The following CTNNB1 variants were observed in gnomAD, a reference collection of about 807,000 sequenced individuals.
CTNNB1 encodes the protein catenin beta 1.
CTNNB1 carries 6 observed loss-of-function variants against 82.5 expected under a neutral mutation model. The observed-to-expected ratio is 0.07, with a 90% CI of 0.04 to 0.14. CTNNB1 has a LOEUF of 0.14. CTNNB1 is among the 10% of genes least tolerant of loss of function. The pLI, the probability that CTNNB1 is intolerant of heterozygous loss-of-function variation, is 1.00. For missense variants in CTNNB1, 529 were observed against 980.4 expected, an observed-to-expected ratio of 0.54 and a Z score of 6.15; for synonymous variants, 312 against 329.7, an observed-to-expected ratio of 0.95 and a Z score of 0.58.
intron 1 of CTNNB1, among the ~76,000 whole-genome samples, chr3:41,207,718 A>G (rs1054296728): frequency 2.0e-5 from 3 of 152,152 alleles, no homozygotes; most frequent in African/African-American, 7.2e-5. Context: ...AAATCCATTC[A>G]TTGTAACTTC....
chr3:41,222,981 A>G (rs972971207), intron 1 of CTNNB1, among the ~76,000 whole-genome samples: 3 of 152,180 alleles, frequency 2.0e-5, no homozygotes, highest in African/African-American at 7.2e-5. Flanking sequence ...TGAGATAGGA[A>G]AATCACTTGA....
intron 1 of CTNNB1, 22 bp from the exon 2 acceptor site, chr3:41,223,999 A>C (rs528470084): frequency 6.7e-7 from 1 of 1,501,716 alleles, no homozygotes; most frequent in East Asian, 2.3e-5. Context: ...AATCCTAATG[A>C]CTTTTGATTA....
At chr3:41,236,043 G>A in intron 11 of CTNNB1, 200 bp downstream of exon 11, 1 of 738,422 alleles carries the variant, frequency 1.4e-6, no homozygotes, top group Non-Finnish European at 2.2e-6. Context: ...ACTTTTATGG[G>A]TGCCTAGAGG....
At chr3:41,202,615 C>T (rs1216393745) in intron 1 of CTNNB1, among the ~76,000 whole-genome samples, 1 of 152,152 alleles carries the variant, frequency 6.6e-6, no homozygotes, top group African/African-American at 2.4e-5. Flanking sequence ...CTTGTACTCT[C>T]ATTGAGAAGA....
intron 1 of CTNNB1, among the ~76,000 whole-genome samples, chr3:41,212,320 C>A (rs1016187902): frequency 1.3e-5 from 2 of 152,150 alleles, no homozygotes; most frequent in Non-Finnish European, 2.9e-5. Flanking sequence ...TCTGGAATCA[C>A]CCAACCTTTT....
intron 1 of CTNNB1, among the ~76,000 whole-genome samples, chr3:41,207,958 A>G (rs2077688458): frequency 6.6e-6 from 1 of 152,098 alleles, no homozygotes; most frequent in South Asian, 2.1e-4. Flanking sequence ...TTATTTTCCA[A>G]AACTTCAAGC....
At chr3:41,210,920 GCTGGGACTACA>G in intron 1 of CTNNB1, 1 of 413,472 alleles carries the variant, frequency 2.4e-6, no homozygotes, top group African/African-American at 2.0e-5. Context: ...CTCCCAAGTA[GCTGGGACTACA>G]CCAGGCACCC....
chr3:41,227,380 T>C, intron 7 of CTNNB1, 28 bp downstream of exon 7: 1 of 1,611,678 alleles, frequency 6.2e-7, no homozygotes, highest in Non-Finnish European at 8.5e-7. Flanking sequence ...TTCTGAGTCT[T>C]GTGTATAGCA....
At chr3:41,202,885 T>G (rs115813431) in intron 1 of CTNNB1, among the ~76,000 whole-genome samples, 1,973 of 152,314 alleles carry the variant, frequency 0.013, 20 homozygotes, top group Non-Finnish European at 0.021. Context: ...AAGACTGAGC[T>G]TGACTCAGTT....
At position 41,239,818 on chromosome 3, in the gene CTNNB1, G is replaced by C; in HGVS notation, c.*476G>C. 1 of 270,592 alleles carries C rather than the reference G, an allele frequency of 3.7e-6. No homozygotes were observed. 16.8% of individuals were successfully genotyped at this position (270,592 alleles called of 1,614,324 possible). ...TTTTGTTCTGGTCCTTTTTGGTCGA[G>C]GAGTAACAATACAAATGGATTTTGG... is the stretch of plus-strand genomic sequence containing the variant. On this transcript the variant is annotated 3_prime_UTR_variant, in exon 15 of 15. Transcript: ENST00000349496.
chr3:41,238,891 C>G (rs2078504615), intron 14 of CTNNB1, among the ~76,000 whole-genome samples: 2 of 152,158 alleles, frequency 1.3e-5, no homozygotes, highest in Non-Finnish European at 1.5e-5. Flanking sequence ...TGACTAGGCC[C>G]TGCTGGTGTG....
intron 1 of CTNNB1, among the ~76,000 whole-genome samples, chr3:41,204,478 T>C (rs574678485): frequency 6.6e-6 from 1 of 152,346 alleles, no homozygotes; most frequent in East Asian, 1.9e-4. Flanking sequence ...TCTTACTACA[T>C]TGTAGTGGGA....
At chr3:41,224,911 A>G (rs549121138) in intron 3 of CTNNB1, 43 bp from the exon 4 acceptor site, 3 of 1,613,680 alleles carry the variant, frequency 1.9e-6, no homozygotes, top group South Asian at 1.1e-5. Context: ...ACTTAGGTAA[A>G]TGCTGAACTG....
intron 1 of CTNNB1, chr3:41,222,031 A>G (rs1216316673): frequency 6.6e-6 from 1 of 152,026 alleles, no homozygotes; most frequent in Non-Finnish European, 1.5e-5. Flanking sequence ...CCCTATCCCT[A>G]GTTTCAAGTT....
chr3:41,212,203 A>G (rs948965717), intron 1 of CTNNB1, among the ~76,000 whole-genome samples: 2 of 152,010 alleles, frequency 1.3e-5, no homozygotes, highest in African/African-American at 4.8e-5. Context: ...TTGGCTACTT[A>G]TTTTTACCCC....
chr3:41,224,579 A>C lies in CTNNB1; in HGVS notation c.67A>C (p.Ser23Arg), dbSNP rs1413975856. ...AMEPDRKAAVSHWQQQSYLDS... is the reference protein window; with the variant it reads ...AMEPDRKAAVRHWQQQSYLDS... Reference sequence around the variant, plus strand: ...GGAACCAGACAGAAAAGCGGCTGTTAGTCACTGGCAGCAACAGTCTTACCT... The same window carrying C: ...GGAACCAGACAGAAAAGCGGCTGTTCGTCACTGGCAGCAACAGTCTTACCT... Residue 23 changes from serine to arginine, a missense_variant, in exon 3 of 15, where the codon AGT becomes CGT. Transcript: ENST00000349496. 6.2e-7 allele frequency: 1 copy of C among 1,613,744 alleles called. No individual in the cohort carries two copies. Among genetic ancestry groups the C allele is most frequent in the Non-Finnish European group, 8.5e-7 (1 of 1,179,948 alleles).
chr3:41,216,867 T>C lies in CTNNB1; in HGVS notation c.-48-7154T>C, dbSNP rs751738011. On this transcript the variant is annotated intron_variant, in intron 1 of 14. Coordinates refer to ENST00000349496, the MANE Select transcript of CTNNB1 (RefSeq NM_001904.4). Reference sequence around the variant, plus strand: ...TAATGTAGACCTTTTTCGTTCTCTTTAATGACTATATGGTATTCCACCATC... The same window carrying C: ...TAATGTAGACCTTTTTCGTTCTCTTCAATGACTATATGGTATTCCACCATC... 9.2e-4 allele frequency among the ~76,000 whole-genome samples: 140 copies of C among 152,216 alleles called. 3 individuals carry two copies. The highest frequency in any genetic ancestry group is 2.4e-4 in the Non-Finnish European group (16 of 68,042).
chr3:41,228,460 C>T (rs879261470), intron 7 of CTNNB1, among the ~76,000 whole-genome samples: 1 of 152,220 alleles, frequency 6.6e-6, no homozygotes, highest in Non-Finnish European at 1.5e-5. Context: ...TTGCATTTCT[C>T]TAATGATCAG....
chr3:41,209,999 T>C lies in CTNNB1; in HGVS notation c.-49+10329T>C, dbSNP rs1027234493. 1.1e-4 allele frequency among the ~76,000 whole-genome samples: 17 copies of C among 152,232 alleles called. No homozygotes were observed. The East Asian group carries it at 3.3e-3, about 29-fold the overall frequency. ...AATAAACCTTAAATTACTGTCACTT[T>C]TTTACTTTATGAATTCTTAATTTTT... On this transcript the variant is annotated intron_variant, in intron 1 of 14. Coordinates refer to ENST00000349496, the MANE Select transcript of CTNNB1 (RefSeq NM_001904.4).
Sources: allele counts gnomAD v4.1 joint callset (sites outside exome capture counted in the v4.1 genomes callset), GRCh38; gene constraint gnomAD v4.1.1; transcripts MANE v1.5; gene names NCBI Gene and HGNC (gene_info 2026-07-23, HGNC 2026-07-21).